The following NPTN variants were observed in gnomAD, a reference collection of about 807,000 sequenced individuals.
The protein encoded by NPTN is SDR-1.
NPTN carries 5 observed loss-of-function variants against 42.7 expected under a neutral mutation model. The observed-to-expected ratio is 0.12, with a 90% confidence interval of 0.06 to 0.25. NPTN has a LOEUF of 0.25. Among genes scored for constraint, NPTN ranks in the 10% least tolerant of loss-of-function variants. The pLI, the probability that NPTN is intolerant of heterozygous loss-of-function variation, is 1.00. For missense variants in NPTN, 307 were observed against 525.4 expected, an observed-to-expected ratio of 0.58 and a Z score of 4.06; for synonymous variants, 180 against 201.9, an observed-to-expected ratio of 0.89 and a Z score of 0.92.
intron 1 of NPTN, among the ~76,000 whole-genome samples, chr15:73,613,688 C>T (rs1897707789): frequency 6.6e-6 from 1 of 151,862 alleles, no homozygotes; most frequent in South Asian, 2.1e-4. Context: ...AAATGCTGGA[C>T]ATATCTTTTT....
At chr15:73,583,312 G>C (rs1896148971) in intron 4 of NPTN, among the ~76,000 whole-genome samples, 1 of 152,124 alleles carries the variant, frequency 6.6e-6, no homozygotes, top group African/African-American at 2.4e-5. Context: ...ACCATGGCTT[G>C]GTGCTTAGGA....
intron 8 of NPTN, 130 bp from the exon 9 acceptor site, chr15:73,561,178 T>A (rs1216913360): frequency 6.6e-6 from 1 of 152,290 alleles, no homozygotes; most frequent in African/African-American, 2.4e-5. Flanking sequence ...CTGATCTCCA[T>A]ATGCCTAACA....
chr15:73,599,842 G>C (rs1350741634), intron 1 of NPTN, among the ~76,000 whole-genome samples: 1 of 152,086 alleles, frequency 6.6e-6, no homozygotes, highest in African/African-American at 2.4e-5. Context: ...GGGAGTTACA[G>C]CCTCTCAAAT....
At chr15:73,564,326 A>C (rs1179290983) in intron 6 of NPTN, among the ~76,000 whole-genome samples, 2 of 152,190 alleles carry the variant, frequency 1.3e-5, no homozygotes, top group African/African-American at 4.8e-5. Flanking sequence ...CACATGAAGC[A>C]GTTATGGAGA....
intron 4 of NPTN, among the ~76,000 whole-genome samples, chr15:73,581,715 G>T (rs1296652161): frequency 1.3e-5 from 2 of 152,170 alleles, no homozygotes; most frequent in Non-Finnish European, 2.9e-5. Context: ...GGATGCTGTA[G>T]AAACTGTCAA....
chr15:73,570,435 T>C lies in NPTN; in HGVS notation c.841-12A>G. 1.2e-6 allele frequency: 2 copies of C among 1,606,694 alleles called. No homozygotes were observed. Among genetic ancestry groups the C allele is most frequent in the South Asian group, 2.2e-5 (2 of 90,704 alleles). ...GTATTGACAATGTCCTGCAAAAAAGTGAGAATACACAAAGGTGAGAGTGAG... is the reference window on the plus strand; with the variant it reads ...GTATTGACAATGTCCTGCAAAAAAGCGAGAATACACAAAGGTGAGAGTGAG... On this transcript the variant is annotated splice_polypyrimidine_tract_variant and intron_variant, in intron 5 of 8. Coordinates refer to ENST00000345330, the MANE Select transcript of NPTN (RefSeq NM_012428.4). The surrounding 1 kb of genome is among the most constrained non-coding windows in gnomAD (Gnocchi z 4.0).
At chr15:73,624,520 T>C (rs1034412735) in intron 1 of NPTN, among the ~76,000 whole-genome samples, 1 of 152,226 alleles carries the variant, frequency 6.6e-6, no homozygotes, top group African/African-American at 2.4e-5. Flanking sequence ...TCCTTCAATC[T>C]ATGAATTTAG....
intron 4 of NPTN, among the ~76,000 whole-genome samples, chr15:73,585,832 C>A (rs916031686): frequency 6.6e-6 from 1 of 152,174 alleles, no homozygotes; most frequent in African/African-American, 2.4e-5. Flanking sequence ...ACAGTAAGCA[C>A]CTTGAATATA....
chr15:73,582,779 A>G (rs192078662), intron 4 of NPTN, among the ~76,000 whole-genome samples: 66 of 152,312 alleles, frequency 4.3e-4, no homozygotes, highest in Admixed American at 3.3e-3. Context: ...CCAAGCTGAG[A>G]AACTGACAAA....
intron 1 of NPTN, among the ~76,000 whole-genome samples, chr15:73,626,393 A>G (rs1478279681): frequency 1.3e-5 from 2 of 152,228 alleles, no homozygotes; most frequent in African/African-American, 4.8e-5. Flanking sequence ...GTTAATTTTC[A>G]TTATATTCAA....
intron 1 of NPTN, among the ~76,000 whole-genome samples, chr15:73,621,422 A>C (rs1287904528): frequency 1.3e-5 from 2 of 152,224 alleles, no homozygotes; most frequent in African/African-American, 4.8e-5. Context: ...CCAGAGTTGC[A>C]GTTAACCTAT....
chr15:73,569,407 C>T lies in NPTN; in HGVS notation c.1114+743G>A. 1.0e-6 allele frequency: 1 copy of T among 985,764 alleles called. No homozygotes were observed. Among genetic ancestry groups the T allele is most frequent in the Non-Finnish European group, 1.2e-6 (1 of 830,198 alleles). The allele number at this position is 985,764 out of a possible 1,614,324, so 61.1% of individuals were successfully genotyped here. A position where few individuals can be genotyped will look rare whatever the true frequency, so the allele number is the denominator to read the frequency against. ...TCAGTGGTGTGCTGTGGTTCTGCTG[C>T]TACCATCTCCTCCCTTCTCTGACCC... is the stretch of plus-strand genomic sequence containing the variant. On this transcript the variant is annotated intron_variant, in intron 6 of 8. Coordinates refer to ENST00000345330, the MANE Select transcript of NPTN (RefSeq NM_012428.4). This position sits in a 1 kb window ranked among gnomAD's most constrained non-coding sequence, Gnocchi z 4.1.
chr15:73,607,878 G>A (rs141777538), intron 1 of NPTN, among the ~76,000 whole-genome samples: 3 of 152,240 alleles, frequency 2.0e-5, no homozygotes, highest in East Asian at 3.9e-4. Flanking sequence ...GGTGATGCCC[G>A]TGCTGCTGCT....
rs760284904 is a variant in NPTN at position 73,597,227 on chromosome 15, C to T, written c.234G>A (p.Leu78=). ...CACGGCGCTTCCGAGCACCGTCCCACAGCTGTCTGAAAGACTCTGCCCGGT... is the reference window on the plus strand; with the variant it reads ...CACGGCGCTTCCGAGCACCGTCCCATAGCTGTCTGAAAGACTCTGCCCGGT... ...EVNRAESFRQ[L]WDGARKRRVT... is the part of the protein sequence containing the mutation. The change falls in exon 2 of 9, where the codon CTG becomes CTA. Residue 78 remains leucine (L), a synonymous_variant. Coordinates refer to ENST00000345330, the MANE Select transcript of NPTN (RefSeq NM_012428.4). This position sits in a 1 kb window ranked among gnomAD's most constrained non-coding sequence, Gnocchi z 6.3. The T allele has an allele frequency of 6.2e-7, 1 of 1,614,142 alleles. No homozygotes were observed. Among genetic ancestry groups the T allele is most frequent in the African/African-American group, 1.3e-5 (1 of 75,034 alleles).
chr15:73,580,910 G>A (rs900835981), intron 4 of NPTN, among the ~76,000 whole-genome samples: 2 of 152,000 alleles, frequency 1.3e-5, no homozygotes, highest in African/African-American at 2.4e-5. Context: ...GGCAGATCAC[G>A]TCAAATACTC....
rs759500329 is a variant in NPTN, at chr15:73,573,706, G to T, written c.796C>A (p.His266Asn). ...TMYCKSVGYP[H>N]PDWIWRKKEN... ...TTCTTGCGCCATATCCAGTCTGGGT[G>T]GGGGTAGCCAACTGACTTGCAATAC... Residue 266 changes from histidine (H) to asparagine (N), a missense_variant, in exon 5 of 9, where the codon CAC (histidine) becomes AAC (asparagine). Transcript: ENST00000345330. The T allele has an allele frequency of 1.8e-5, 28 of 1,595,946 alleles. No homozygotes were observed. The highest frequency in any genetic ancestry group is 2.4e-5 in the Non-Finnish European group (28 of 1,172,410).
chr15:73,592,160 TA>T (rs1566972961), intron 2 of NPTN, 23 bp from the exon 3 acceptor site: 5 of 1,599,900 alleles, frequency 3.1e-6, no homozygotes, highest in Non-Finnish European at 4.3e-6. Context: ...TGCACAATGA[TA>T]GGGGGCAATA....
Position 73,633,147 on chromosome 15 carries a change from TG to T in NPTN, c.68del (p.Pro23GlnfsTer67). 1 of 1,501,960 alleles carries T rather than the reference TG, an allele frequency of 6.7e-7. No individual in the cohort carries two copies. The highest frequency in any genetic ancestry group is 8.8e-7 in the Non-Finnish European group (1 of 1,132,710). The allele number at this position is 1,501,960 out of a possible 1,614,324, so 93.0% of individuals were successfully genotyped here. ...SLLLVSGSLL[P>X]GPGAAQNAGF... ...TACCGTTCTGAGCGGCGCCTGGCCC[TG>T]GGAGGAGGGAGCCAGAGACCAGCAA... On this transcript the variant is annotated frameshift_variant, in exon 1 of 9. Coordinates refer to ENST00000345330, the MANE Select transcript of NPTN (RefSeq NM_012428.4). LOFTEE classifies it high-confidence loss of function.
rs1006682189 is a variant in NPTN at position 73,633,274 on chromosome 15, G to C, written c.-59C>G. On this transcript the variant is annotated 5_prime_UTR_variant, in exon 1 of 9. Transcript: ENST00000345330. ...CGGGGCCAGAGCCGGGGCCGGGGAA[G>C]GGAGGGGAGGGAGGGAGGGGGCGGG... 20 of 1,173,712 alleles carry C rather than the reference G, an allele frequency of 1.7e-5. No homozygotes were observed. Among genetic ancestry groups the C allele is most frequent in the Non-Finnish European group, 2.1e-5 (18 of 857,820 alleles). 72.7% of individuals were successfully genotyped at this position (1,173,712 alleles called of 1,614,324 possible).
Sources: allele counts gnomAD v4.1 joint callset (sites outside exome capture counted in the v4.1 genomes callset), GRCh38; gene constraint gnomAD v4.1.1; non-coding constraint Gnocchi (gnomAD v3.1); transcripts MANE v1.5; gene names NCBI Gene and HGNC (gene_info 2026-07-23, HGNC 2026-07-21).